CREB5: variants seen among roughly 807,000 people sequenced by gnomAD.
CREB5 encodes cyclic AMP-responsive element-binding protein 5.
Under a neutral mutation model 57.1 loss-of-function variants are expected in CREB5, and 19 were observed. That is an observed-to-expected ratio of 0.33 (90% confidence interval 0.23 to 0.49). The LOEUF is 0.49. Among genes scored for constraint, CREB5 ranks in the 20% least tolerant of loss-of-function variants. The pLI, the probability that CREB5 is intolerant of heterozygous loss-of-function variation, is 0.99. For synonymous variants in CREB5, 238 were observed against 238.3 expected (o/e 1.00, Z 0.01); for missense variants, 579 against 671.6 (o/e 0.86, Z 1.52).
chr7:28,690,538 C>T (rs1248968472), intron 5 of CREB5, among the ~76,000 whole-genome samples: 1 of 152,202 alleles, frequency 6.6e-6, no homozygotes, highest in Non-Finnish European at 1.5e-5. Flanking sequence ...CACTCTTCTA[C>T]TTACTGGCTG....
At chr7:28,665,827 A>C (rs936162526) in intron 5 of CREB5, among the ~76,000 whole-genome samples, 1 of 152,056 alleles carries the variant, frequency 6.6e-6, no homozygotes, top group African/African-American at 2.4e-5. Context: ...CAGTCTGGGC[A>C]CCATACTGTA....
chr7:28,471,240 G>C (rs1790791534), intron 1 of CREB5, among the ~76,000 whole-genome samples: 1 of 152,126 alleles, frequency 6.6e-6, no homozygotes, highest in South Asian at 2.1e-4. Flanking sequence ...ATTTTGATTT[G>C]ATTTTTACAT....
chr7:28,802,278 C>T (rs1257062579), intron 7 of CREB5, among the ~76,000 whole-genome samples: 4 of 151,794 alleles, frequency 2.6e-5, no homozygotes, highest in African/African-American at 4.8e-5. Context: ...AAATGATGAC[C>T]GCATATTAAC....
chr7:28,322,656 C>T (rs1346467253), intron 1 of CREB5, among the ~76,000 whole-genome samples: 3 of 147,770 alleles, frequency 2.0e-5, no homozygotes. Context: ...TCCACATGTT[C>T]TCATTGTTCA....
chr7:28,725,773 C>G (rs1163823618), intron 7 of CREB5, among the ~76,000 whole-genome samples: 1 of 151,942 alleles, frequency 6.6e-6, no homozygotes, highest in Non-Finnish European at 1.5e-5. Flanking sequence ...GGGTCTGTGT[C>G]TGAGATGTTA....
At chr7:28,725,638 C>CTTT (rs60312425) in intron 7 of CREB5, among the ~76,000 whole-genome samples, 20 of 122,566 alleles carry the variant, frequency 1.6e-4, no homozygotes, top group African/African-American at 5.5e-4. Context: ...TGCCATATAT[C>CTTT]TTTTTTTAAA....
In CREB5 at chr7:28,560,819, T is replaced by TGC. The variant is rs1339266647; in HGVS notation, c.292-9545_292-9544insCG. 6.4e-5 allele frequency among the ~76,000 whole-genome samples: 4 copies of TGC among 62,354 alleles called. 1 individual carries two copies. Among genetic ancestry groups the TGC allele is most frequent in the Admixed American group, 4.4e-4 (3 of 6,744 alleles). The allele number at this position is 62,354 out of a possible 152,430, so 40.9% of individuals were successfully genotyped here. The stretch of plus-strand genomic sequence containing the variant: ...CACAGTGTGTGTGCGCGTGTGTGTG[T>TGC]GTGCGCGCGCGCGCGTGTGTGTGTG... On this transcript the variant is annotated intron_variant, in intron 4 of 10. Coordinates refer to ENST00000357727, the MANE Select transcript of CREB5 (RefSeq NM_182898.4).
chr7:28,483,286 C>A (rs1390975272), intron 1 of CREB5, among the ~76,000 whole-genome samples: 2 of 152,150 alleles, frequency 1.3e-5, no homozygotes, highest in Non-Finnish European at 2.9e-5. Flanking sequence ...CCATTTTAGA[C>A]CAGGAATTTG....
chr7:28,503,664 G>A (rs910081740), intron 3 of CREB5, among the ~76,000 whole-genome samples: 1 of 152,150 alleles, frequency 6.6e-6, no homozygotes, highest in African/African-American at 2.4e-5. Context: ...GCATGTGAGA[G>A]CCCAAGCCCC....
chr7:28,455,471 A>G (rs1464702659), intron 1 of CREB5, among the ~76,000 whole-genome samples: 1 of 152,258 alleles, frequency 6.6e-6, no homozygotes, highest in Admixed American at 6.5e-5. Context: ...TATTTGAAGA[A>G]AATAGCGACT....
At chr7:28,310,089 G>A (rs374986716) in intron 1 of CREB5, among the ~76,000 whole-genome samples, 1 of 152,248 alleles carries the variant, frequency 6.6e-6, no homozygotes, top group East Asian at 1.9e-4. Context: ...ACATTGGAGG[G>A]TGGACACAGA....
intron 1 of CREB5, among the ~76,000 whole-genome samples, chr7:28,424,171 C>T (rs1272509547): frequency 6.6e-6 from 1 of 152,196 alleles, no homozygotes; most frequent in Non-Finnish European, 1.5e-5. Context: ...CATGAGAGCC[C>T]ACACTAATGA....
Position 28,561,021 on chromosome 7 carries a change from T to TGTGTGC in CREB5, c.292-9341_292-9340insTGCGTG, listed in dbSNP as rs1562798645. 1.3e-3 allele frequency among the ~76,000 whole-genome samples: 58 copies of TGTGTGC among 43,248 alleles called. 4 individuals are homozygous for TGTGTGC. Among genetic ancestry groups the TGTGTGC allele is most frequent in the East Asian group, 8.5e-3 (5 of 588 alleles). The allele number at this position is 43,248 out of a possible 152,430, so 28.4% of individuals were successfully genotyped here. A position where few individuals can be genotyped will look rare whatever the true frequency, so the allele number is the denominator to read the frequency against. On this transcript the variant is annotated intron_variant, in intron 4 of 10. Transcript: ENST00000357727. Reference sequence around the variant, plus strand: ...CTGCGTGTGCGTGTGTGTGTGCGTGTGTGCGTGTGTGTGTGTGTGTGTGAA... The same window carrying TGTGTGC: ...CTGCGTGTGCGTGTGTGTGTGCGTGTGTGTGCGTGCGTGTGTGTGTGTGTGTGTGAA...
At chr7:28,669,679 A>G (rs1451314279) in intron 5 of CREB5, among the ~76,000 whole-genome samples, 1 of 152,224 alleles carries the variant, frequency 6.6e-6, no homozygotes, top group East Asian at 1.9e-4. Context: ...ATCAAGGGCA[A>G]CAGGGGACGG....
intron 1 of CREB5, among the ~76,000 whole-genome samples, chr7:28,484,101 T>C (rs1199396573): frequency 2.0e-5 from 3 of 152,260 alleles, no homozygotes; most frequent in Admixed American, 6.5e-5. Flanking sequence ...CAAGCAAAAC[T>C]TGGTTCATTA....
intron 4 of CREB5, among the ~76,000 whole-genome samples, chr7:28,564,961 A>T (rs1795422138): frequency 6.6e-6 from 1 of 152,224 alleles, no homozygotes. Context: ...GCTGGAAAAG[A>T]TCATGAAGAC....
intron 2 of CREB5, among the ~76,000 whole-genome samples, chr7:28,493,808 A>G (rs1791906579): frequency 6.6e-6 from 1 of 152,256 alleles, no homozygotes; most frequent in Non-Finnish European, 1.5e-5. Context: ...AAAATTAAAA[A>G]TAAGCATTGG....
Position 28,421,908 on chromosome 7 carries a change from G to T in CREB5, c.3+8991G>T, listed in dbSNP as rs867450706. Among the ~76,000 whole-genome samples, 48 of 98,128 alleles carry T rather than the reference G, an allele frequency of 4.9e-4. 2 individuals carry two copies. The highest frequency in any genetic ancestry group is 1.3e-3 in the African/African-American group (46 of 34,930). The allele number at this position is 98,128 out of a possible 152,430, so 64.4% of individuals were successfully genotyped here. A position where few individuals can be genotyped will look rare whatever the true frequency, so the allele number is the denominator to read the frequency against. The stretch of plus-strand genomic sequence containing the variant: ...ATATAAAATACCATATATATAGAGA[G>T]AGTGTGTATGTGTGTGTATGTGTAT... On this transcript the variant is annotated intron_variant, in intron 1 of 10. Coordinates refer to ENST00000357727, the MANE Select transcript of CREB5 (RefSeq NM_182898.4).
chr7:28,471,186 T>C (rs1174661897), intron 1 of CREB5, among the ~76,000 whole-genome samples: 3 of 152,222 alleles, frequency 2.0e-5, no homozygotes, highest in African/African-American at 4.8e-5. Context: ...TGTTTTCTTG[T>C]AGTACTTTCA....
Sources: gnomAD v4.1 joint callset for allele counts (sites outside exome capture counted in the v4.1 genomes callset) on GRCh38, gnomAD v4.1.1 for gene constraint, MANE v1.5 for transcripts, NCBI Gene and HGNC (gene_info 2026-07-23, HGNC 2026-07-21) for gene names.